Variants in BRSK1 observed in about 807,000 individuals in gnomAD.
BRSK1 encodes serine/threonine-protein kinase BRSK1.
In BRSK1, 17 loss-of-function variants were observed where a neutral mutation model predicts 86.2. The observed-to-expected ratio is 0.20, with a 90% CI of 0.14 to 0.30. BRSK1 has a LOEUF of 0.30. Ranked by LOEUF, BRSK1 falls within the 10% of genes least tolerant of loss-of-function variation. The probability of loss-of-function intolerance (pLI) is 1.00; values close to 1 mark genes in which losing one functional copy is unlikely to be tolerated. For synonymous variants in BRSK1, 464 were observed against 440.1 expected (o/e 1.05, Z -0.68); for missense variants, 719 against 1,071.9 (o/e 0.67, Z 4.60).
At chr19:55,305,813 G>C (rs543895710) in intron 16 of BRSK1, among the ~76,000 whole-genome samples, 3 of 152,176 alleles carry the variant, frequency 2.0e-5, no homozygotes, top group Non-Finnish European at 4.4e-5. Flanking sequence ...CTCAAGGATT[G>C]GTGAGTTCCC....
At position 55,302,568 on chromosome 19, in the gene BRSK1, T is replaced by C; in HGVS notation, c.858-129T>C. On this transcript the variant is annotated intron_variant, in intron 9 of 18. Coordinates refer to ENST00000309383, the MANE Select transcript of BRSK1 (RefSeq NM_032430.2). The surrounding 1 kb of genome is among the most constrained non-coding windows in gnomAD (Gnocchi z 6.3). ...GGGGGCGAGGTCTGGGGCGTCTGGATTCCTGGGTATGAGAGAGAAGGGGCC... is the reference window on the plus strand; with the variant it reads ...GGGGGCGAGGTCTGGGGCGTCTGGACTCCTGGGTATGAGAGAGAAGGGGCC... 1 of 1,239,886 alleles carries C rather than the reference T, an allele frequency of 8.1e-7. No homozygotes were observed. The highest frequency in any genetic ancestry group is 1.1e-6 in the Non-Finnish European group (1 of 885,794). The allele number at this position is 1,239,886 out of a possible 1,614,324, so 76.8% of individuals were successfully genotyped here.
At position 55,304,477 on chromosome 19, in the gene BRSK1, C is replaced by T; in HGVS notation, c.1348-74C>T. The T allele has an allele frequency of 6.9e-7, 1 of 1,449,390 alleles. No individual in the cohort carries two copies. The highest frequency in any genetic ancestry group is 9.1e-7 in the Non-Finnish European group (1 of 1,094,200). 89.8% of individuals were successfully genotyped at this position (1,449,390 alleles called of 1,614,324 possible). On this transcript the variant is annotated intron_variant, in intron 13 of 18. Transcript: ENST00000309383. The surrounding 1 kb of genome is among the most constrained non-coding windows in gnomAD (Gnocchi z 5.2). The stretch of plus-strand genomic sequence containing the variant: ...CACCGGGCCAGCGTCCGTGAGTGTG[C>T]GTGTGAGTGGGGCTCCTAGAGCCTC...
At chr19:55,286,523 G>A (rs2088319260) in intron 1 of BRSK1, among the ~76,000 whole-genome samples, 1 of 151,336 alleles carries the variant, frequency 6.6e-6, no homozygotes, top group South Asian at 2.1e-4. Context: ...ACTGGGAGGG[G>A]ATTCAGGAGG....
At position 55,287,352 on chromosome 19, in the gene BRSK1, A is replaced by G. The variant is rs1021223561; in HGVS notation, c.317+53A>G. The G allele has an allele frequency of 1.9e-6, 3 of 1,562,916 alleles. No individual in the cohort carries two copies. The African/African-American group carries it at 4.1e-5, about 21-fold the overall frequency. On this transcript the variant is annotated intron_variant, in intron 3 of 18. Transcript: ENST00000309383. This position sits in a 1 kb window ranked among gnomAD's most constrained non-coding sequence, Gnocchi z 5.3. Reference sequence around the variant, plus strand: ...CCCCATCCTCCCTCTCCAGGTTACCAGGGTGGGACTTCTCCAGAAACAGGG... The same window carrying G: ...CCCCATCCTCCCTCTCCAGGTTACCGGGGTGGGACTTCTCCAGAAACAGGG...
At chr19:55,290,048 G>T (rs1203618795) in intron 4 of BRSK1, among the ~76,000 whole-genome samples, 1 of 152,174 alleles carries the variant, frequency 6.6e-6, no homozygotes, top group East Asian at 1.9e-4. Flanking sequence ...CAGCAGGAGT[G>T]CAATGGTGTG....
At position 55,287,190 on chromosome 19, in the gene BRSK1, G is replaced by A. The variant is rs2088331671; in HGVS notation, c.232-24G>A. On this transcript the variant is annotated intron_variant, in intron 2 of 18. Coordinates refer to ENST00000309383, the MANE Select transcript of BRSK1 (RefSeq NM_032430.2). This position sits in a 1 kb window ranked among gnomAD's most constrained non-coding sequence, Gnocchi z 5.3. ...GGGCCGTGCTGACCTCTTTTCCCGT[G>A]TCCCCACCCCTCTTGACCCTCAGGT... 6.2e-7 allele frequency: 1 copy of A among 1,613,750 alleles called. No individual in the cohort carries two copies. Among genetic ancestry groups the A allele is most frequent in the African/African-American group, 1.3e-5 (1 of 74,884 alleles).
rs750975874 is a variant in BRSK1 at position 55,311,921 on chromosome 19, CG to C, written c.2194del (p.Ala732ProfsTer24). The C allele has an allele frequency of 1.2e-6, 2 of 1,611,724 alleles. No individual in the cohort carries two copies. The highest frequency in any genetic ancestry group is 4.5e-5 in the East Asian group (2 of 44,776). On this transcript the variant is annotated frameshift_variant, in exon 19 of 19. Transcript: ENST00000309383. LOFTEE classifies it high-confidence loss of function. Reference sequence around the variant, plus strand: ...CTTCCTCCCTTGCAGACGAGAAGAACGGGGCCCAGACCCGGCCTGCTGGTGC... The same window carrying C: ...CTTCCTCCCTTGCAGACGAGAAGAACGGGCCCAGACCCGGCCTGCTGGTGC... Reference protein sequence around the residue: ...SVQALADEKNGAQTRPAGAPP... With the variant: ...SVQALADEKNXAQTRPAGAPP...
intron 7 of BRSK1, among the ~76,000 whole-genome samples, chr19:55,298,704 C>G (rs1049995960): frequency 6.6e-6 from 1 of 152,222 alleles, no homozygotes; most frequent in African/African-American, 2.4e-5. Context: ...TAAACAATCC[C>G]CCTTTCACCA....
intron 8 of BRSK1, 99 bp downstream of exon 8, chr19:55,301,757 C>A: frequency 7.1e-7 from 1 of 1,399,630 alleles, no homozygotes; most frequent in Non-Finnish European, 9.6e-7. Flanking sequence ...ACCTGCTCGT[C>A]AGTCCCCAGG....
chr19:55,312,080 C>T lies in BRSK1; in HGVS notation c.*12C>T, dbSNP rs116408033. 3.7e-3 allele frequency: 5,144 copies of T among 1,401,512 alleles called. 163 individuals carry two copies. In the African/African-American group the frequency reaches 0.067, roughly 18 times the overall value. The allele number at this position is 1,401,512 out of a possible 1,614,324, so 86.8% of individuals were successfully genotyped here. On this transcript the variant is annotated 3_prime_UTR_variant, in exon 19 of 19. Transcript: ENST00000309383. Reference sequence around the variant, plus strand: ...CCCCTCTGCCCTGACCCCACGGGGCCGGGGAGGGAGGGGACCCCCCTCCAC... The same window carrying T: ...CCCCTCTGCCCTGACCCCACGGGGCTGGGGAGGGAGGGGACCCCCCTCCAC...
At chr19:55,292,395 A>C (rs2088420294) in intron 4 of BRSK1, among the ~76,000 whole-genome samples, 4 of 152,134 alleles carry the variant, frequency 2.6e-5, no homozygotes, top group Admixed American at 2.6e-4. Context: ...CCTACAAACT[A>C]ATTTGGGTTG....
Position 55,304,809 on chromosome 19 carries a change from C to A in BRSK1, c.1606C>A (p.Pro536Thr). The change falls in exon 14 of 19, where the codon CCA becomes ACA. Residue 536 changes from proline to threonine, a missense_variant. Coordinates refer to ENST00000309383, the MANE Select transcript of BRSK1 (RefSeq NM_032430.2). This position sits in a 1 kb window ranked among gnomAD's most constrained non-coding sequence, Gnocchi z 5.2. ...TCCCACCGGGACCCCGGGGACAACA[C>A]CACCCCCCAGCCCCGGCGGTGGCGT... ...ASPTGTPGTT[P>T]PPSPGGGVGG... is the part of the protein sequence containing the mutation. 8 of 1,576,698 alleles carry A rather than the reference C, an allele frequency of 5.1e-6. No individual in the cohort carries two copies. The highest frequency in any genetic ancestry group is 6.0e-6 in the Non-Finnish European group (7 of 1,164,816).
Position 55,308,627 on chromosome 19 carries a change from C to T in BRSK1, c.2090-12C>T. The T allele has an allele frequency of 6.2e-7, 1 of 1,607,964 alleles. No individual in the cohort carries two copies. Among genetic ancestry groups the T allele is most frequent in the Non-Finnish European group, 8.5e-7 (1 of 1,176,386 alleles). ...CCCCAGTCAGTGTTTTTCTGCCCGC[C>T]TGTGCCTCTAGGTCCCAGCCGTCGG... On this transcript the variant is annotated splice_polypyrimidine_tract_variant and intron_variant, in intron 17 of 18. Transcript: ENST00000309383.
rs1015659533 is a variant in BRSK1 at position 55,303,518 on chromosome 19, C to T, written c.1126+110C>T. On this transcript the variant is annotated intron_variant, in intron 11 of 18. Coordinates refer to ENST00000309383, the MANE Select transcript of BRSK1 (RefSeq NM_032430.2). The surrounding 1 kb of genome is among the most constrained non-coding windows in gnomAD (Gnocchi z 5.1). Reference sequence around the variant, plus strand: ...AGAAGGGGCTGCAGGCTCTGAGCTTCCAGCTTTAGACTGCTTGACTTGCTC... The same window carrying T: ...AGAAGGGGCTGCAGGCTCTGAGCTTTCAGCTTTAGACTGCTTGACTTGCTC... The T allele has an allele frequency of 2.2e-5, 32 of 1,485,276 alleles. No individual in the cohort carries two copies. The highest frequency in any genetic ancestry group is 2.6e-5 in the Non-Finnish European group (28 of 1,072,948). 92.0% of individuals were successfully genotyped at this position (1,485,276 alleles called of 1,614,324 possible). A position where few individuals can be genotyped will look rare whatever the true frequency, so the allele number is the denominator to read the frequency against.
At chr19:55,309,346 G>A (rs2088729219) in intron 18 of BRSK1, among the ~76,000 whole-genome samples, 1 of 152,342 alleles carries the variant, frequency 6.6e-6, no homozygotes, top group Non-Finnish European at 1.5e-5. Context: ...GGTCATCAAA[G>A]ACTCAAATTC....
chr19:55,303,577 G>T lies in BRSK1; in HGVS notation c.1127-90G>T. 4 of 1,524,092 alleles carry T rather than the reference G, an allele frequency of 2.6e-6. No homozygotes were observed. Among genetic ancestry groups the T allele is most frequent in the Non-Finnish European group, 3.6e-6 (4 of 1,121,106 alleles). 94.4% of individuals were successfully genotyped at this position (1,524,092 alleles called of 1,614,324 possible). A position where few individuals can be genotyped will look rare whatever the true frequency, so the allele number is the denominator to read the frequency against. On this transcript the variant is annotated intron_variant, in intron 11 of 18. Coordinates refer to ENST00000309383, the MANE Select transcript of BRSK1 (RefSeq NM_032430.2). The surrounding 1 kb of genome is among the most constrained non-coding windows in gnomAD (Gnocchi z 5.1). Reference sequence around the variant, plus strand: ...TTATCAAATCCCCTCTCCACTCTAGGCCTGTTTCCCCATGTGTGCAGTTTC... The same window carrying T: ...TTATCAAATCCCCTCTCCACTCTAGTCCTGTTTCCCCATGTGTGCAGTTTC...
In BRSK1 at chr19:55,312,185, G is replaced by A. The variant is rs931045125; in HGVS notation, c.*117G>A. On this transcript the variant is annotated 3_prime_UTR_variant, in exon 19 of 19. Transcript: ENST00000309383. ...CGGGAGGGGGGTGGACACAAAAACCGGCCTTGCCCTGCAGGGATGGGGCTC... is the reference window on the plus strand; with the variant it reads ...CGGGAGGGGGGTGGACACAAAAACCAGCCTTGCCCTGCAGGGATGGGGCTC... The A allele has an allele frequency of 2.4e-5, 13 of 534,238 alleles. No homozygotes were observed. The highest frequency in any genetic ancestry group is 3.6e-5 in the Non-Finnish European group (11 of 306,644). 33.1% of individuals were successfully genotyped at this position (534,238 alleles called of 1,614,324 possible). A position where few individuals can be genotyped will look rare whatever the true frequency, so the allele number is the denominator to read the frequency against.
chr19:55,305,309 T>G lies in BRSK1; in HGVS notation c.1718-12T>G, dbSNP rs61447045. The stretch of plus-strand genomic sequence containing the variant: ...CAGGTGTTGACCACGTTCTCTGCCT[T>G]CCCCCTACCAGTCCCTACCGCTGAG... On this transcript the variant is annotated splice_polypyrimidine_tract_variant and intron_variant, in intron 14 of 18. Transcript: ENST00000309383. 6.2e-7 allele frequency: 1 copy of G among 1,613,720 alleles called. No homozygotes were observed. Among genetic ancestry groups the G allele is most frequent in the Non-Finnish European group, 8.5e-7 (1 of 1,179,958 alleles).
At position 55,303,610 on chromosome 19, in the gene BRSK1, G is replaced by C; in HGVS notation, c.1127-57G>C. The C allele has an allele frequency of 6.4e-7, 1 of 1,558,952 alleles. No individual in the cohort carries two copies. Among genetic ancestry groups the C allele is most frequent in the Non-Finnish European group, 8.7e-7 (1 of 1,150,612 alleles). ...CCCCATGTGTGCAGTTTCTGAGGCA[G>C]TTGTACACAGCTGGGTGAAACCATC... On this transcript the variant is annotated intron_variant, in intron 11 of 18. Transcript: ENST00000309383. This position sits in a 1 kb window ranked among gnomAD's most constrained non-coding sequence, Gnocchi z 5.1.
Sources: gnomAD v4.1 joint callset for allele counts (sites outside exome capture counted in the v4.1 genomes callset) on GRCh38, gnomAD v4.1.1 for gene constraint, Gnocchi (gnomAD v3.1) non-coding constraint, MANE v1.5 for transcripts, NCBI Gene and HGNC (gene_info 2026-07-23, HGNC 2026-07-21) for gene names.